Variants in TMEM132B observed in about 807,000 individuals in gnomAD.
The protein encoded by TMEM132B is transmembrane protein 132B.
Under a neutral mutation model 90.8 loss-of-function variants are expected in TMEM132B, and 18 were observed. That is an observed-to-expected ratio of 0.20 (90% confidence interval 0.14 to 0.29). The LOEUF is 0.29. Among genes scored for constraint, TMEM132B ranks in the 10% least tolerant of loss-of-function variants. The pLI is 1.00. For synonymous variants in TMEM132B, 504 were observed against 523.3 expected (o/e 0.96, Z 0.50); for missense variants, 1,096 against 1,326.8 (o/e 0.83, Z 2.70).
Position 125,349,662 on chromosome 12 carries a change from A to G in TMEM132B, c.278A>G (p.Tyr93Cys), listed in dbSNP as rs1295182288. ...ACACCCCCTATTATCAATGCCAGCT[A>G]TGGCCCATTTTCAGTGGAGAAGATA... is the stretch of plus-strand genomic sequence containing the variant. ...ARTPPIINASYGPFSVEKIIP... is the reference protein window; with the variant it reads ...ARTPPIINASCGPFSVEKIIP... The change falls in exon 2 of 9, where the codon TAT (tyrosine) becomes TGT (cysteine). Residue 93 changes from tyrosine to cysteine, a missense_variant. Tyr to Cys is a radical substitution (Grantham distance 194). Coordinates refer to ENST00000682704, the MANE Select transcript of TMEM132B (RefSeq NM_001366854.1). This position sits in a 1 kb window ranked among gnomAD's most constrained non-coding sequence, Gnocchi z 4.1. 6 of 1,613,996 alleles carry G rather than the reference A, an allele frequency of 3.7e-6. No individual in the cohort carries two copies. In the African/African-American group the frequency reaches 5.3e-5, roughly 14 times the overall value.
intron 1 of TMEM132B, among the ~76,000 whole-genome samples, chr12:125,210,103 A>G (rs1184389835): frequency 6.6e-6 from 1 of 152,254 alleles, no homozygotes; most frequent in Non-Finnish European, 1.5e-5. Context: ...TAGATAGGTC[A>G]CTAAAATATT....
chr12:125,474,916 G>A (rs1217475653), intron 3 of TMEM132B, among the ~76,000 whole-genome samples: 2 of 152,224 alleles, frequency 1.3e-5, no homozygotes, highest in African/African-American at 2.4e-5. Flanking sequence ...CTCTGGGAAT[G>A]TGCCTATTTT....
intron 4 of TMEM132B, among the ~76,000 whole-genome samples, chr12:125,554,334 A>G (rs987167402): frequency 6.9e-6 from 1 of 145,100 alleles, no homozygotes; most frequent in African/African-American, 2.5e-5. Context: ...CTGAGGCAGG[A>G]GAATGGCGTG....
At chr12:125,200,380 T>C (rs1873027531) in intron 1 of TMEM132B, among the ~76,000 whole-genome samples, 1 of 152,210 alleles carries the variant, frequency 6.6e-6, no homozygotes, top group South Asian at 2.1e-4. Context: ...TAGTATCCCA[T>C]TGTTTTAAGT....
intron 1 of TMEM132B, among the ~76,000 whole-genome samples, chr12:125,330,272 G>A (rs905969499): frequency 1.1e-4 from 16 of 151,542 alleles, no homozygotes; most frequent in African/African-American, 3.9e-4. Context: ...GTTTGGGTTT[G>A]TGTGACTTGC....
At chr12:125,608,248 A>AT (rs1282565470) in intron 5 of TMEM132B, among the ~76,000 whole-genome samples, 3 of 152,208 alleles carry the variant, frequency 2.0e-5, no homozygotes, top group African/African-American at 7.2e-5. Context: ...TCCTCTCCAA[A>AT]AGTTATTATC....
intron 5 of TMEM132B, chr12:125,587,928 G>C (rs954623208): frequency 6.6e-6 from 1 of 152,210 alleles, no homozygotes; most frequent in Non-Finnish European, 1.5e-5. Context: ...AAGGAAGTGT[G>C]AGTGTTAAGC....
At chr12:125,441,679 G>T (rs577246499) in intron 3 of TMEM132B, among the ~76,000 whole-genome samples, 11 of 152,262 alleles carry the variant, frequency 7.2e-5, no homozygotes, top group African/African-American at 2.6e-4. Context: ...GGGGAAAGAG[G>T]CTTTTTAAAA....
At chr12:125,200,181 C>T (rs1306922201) in intron 1 of TMEM132B, among the ~76,000 whole-genome samples, 1 of 152,094 alleles carries the variant, frequency 6.6e-6, no homozygotes, top group African/African-American at 2.4e-5. Flanking sequence ...GGGGACATGT[C>T]GTTTTTCTGG....
In TMEM132B at chr12:125,350,262, T is replaced by C; in HGVS notation, c.878T>C (p.Leu293Pro). 6.2e-7 allele frequency: 1 copy of C among 1,614,066 alleles called. No individual in the cohort carries two copies. The highest frequency in any genetic ancestry group is 8.5e-7 in the Non-Finnish European group (1 of 1,180,026). The change falls in exon 2 of 9, where the codon CTG becomes CCG. Residue 293 changes from leucine (L) to proline (P), a missense_variant. Transcript: ENST00000682704. ...GAGAATGTGGTCATCTCGGTACCTC[T>C]GAATCTAGTCCGGGAAGGGGACACG... ...LDENVVISVP[L>P]NLVREGDTAT...
intron 5 of TMEM132B, among the ~76,000 whole-genome samples, chr12:125,615,224 G>A (rs1379597975): frequency 6.6e-6 from 1 of 151,814 alleles, no homozygotes; most frequent in African/African-American, 2.4e-5. Flanking sequence ...TAAATTTGGG[G>A]ATGTTTTCAA....
At chr12:125,201,538 G>C (rs186409249) in intron 1 of TMEM132B, among the ~76,000 whole-genome samples, 80 of 152,326 alleles carry the variant, frequency 5.3e-4, no homozygotes, top group African/African-American at 1.9e-3. Context: ...TTGCCCCTCT[G>C]CTAGCTGCTT....
chr12:125,298,472 G>C (rs868307263), intron 1 of TMEM132B, among the ~76,000 whole-genome samples: 1 of 151,546 alleles, frequency 6.6e-6, no homozygotes, highest in East Asian at 2.0e-4. Context: ...TCAGGGGTTC[G>C]AGAGCAGCCT....
chr12:125,397,278 A>G (rs143711402), intron 2 of TMEM132B, among the ~76,000 whole-genome samples: 1 of 152,240 alleles, frequency 6.6e-6, no homozygotes, highest in Non-Finnish European at 1.5e-5. Flanking sequence ...TCACTGTTCT[A>G]TGTGTCTCTT....
chr12:125,604,475 T>C (rs115233073), intron 5 of TMEM132B, among the ~76,000 whole-genome samples: 1,590 of 152,016 alleles, frequency 0.01, 30 homozygotes, highest in African/African-American at 0.034. Context: ...AGGGAGAGCA[T>C]TGGGACGAAT....
intron 4 of TMEM132B, 116 bp from the exon 5 acceptor site, chr12:125,583,735 C>T: frequency 8.0e-7 from 1 of 1,252,190 alleles, no homozygotes; most frequent in Non-Finnish European, 1.1e-6. Context: ...CTTCAGACAA[C>T]TGTCTAAATC....
chr12:125,524,222 T>C (rs967331037), intron 4 of TMEM132B, among the ~76,000 whole-genome samples: 2 of 152,234 alleles, frequency 1.3e-5, no homozygotes, highest in African/African-American at 4.8e-5. Flanking sequence ...ATAAAAAATA[T>C]GAACATGCTT....
At chr12:125,320,801 G>A (rs2014620786) in intron 1 of TMEM132B, among the ~76,000 whole-genome samples, 1 of 152,170 alleles carries the variant, frequency 6.6e-6, no homozygotes, top group Admixed American at 6.5e-5. Flanking sequence ...GGGGAATATG[G>A]AAAGCAACAC....
intron 4 of TMEM132B, among the ~76,000 whole-genome samples, chr12:125,528,041 C>G (rs542943213): frequency 9.8e-5 from 15 of 152,314 alleles, no homozygotes; most frequent in Admixed American, 9.8e-4. Flanking sequence ...TGCTGCCACC[C>G]AGGGTGACAG....
Sources: gnomAD v4.1 joint callset for allele counts (sites outside exome capture counted in the v4.1 genomes callset) on GRCh38, gnomAD v4.1.1 for gene constraint, Gnocchi (gnomAD v3.1) non-coding constraint, MANE v1.5 for transcripts, NCBI Gene and HGNC (gene_info 2026-07-23, HGNC 2026-07-21) for gene names.